ZNF644: variants seen among roughly 807,000 people sequenced by gnomAD.
ZNF644 encodes zinc finger motif enhancer binding protein 2.
A neutral mutation model predicts 108.0 loss-of-function variants in ZNF644; 20 were observed. The ratio of observed to expected loss-of-function variants is 0.19; its 90% CI spans 0.13 to 0.27. The LOEUF (loss-of-function observed/expected upper bound fraction) is 0.27. Among genes scored for constraint, ZNF644 ranks in the 10% least tolerant of loss-of-function variants. The pLI is 1.00. For missense variants in ZNF644, 1,338 were observed against 1,548.9 expected (o/e 0.86, Z 2.29); for synonymous variants, 542 against 539.1 (o/e 1.01, Z -0.08).
chr1:90,924,558 TTTAAA>T (rs1412310971), intron 4 of ZNF644, among the ~76,000 whole-genome samples: 17 of 152,164 alleles, frequency 1.1e-4, no homozygotes, highest in Non-Finnish European at 4.4e-5. Context: ...TAAAATTTCC[TTTAAA>T]TTATTTTCAA....
intron 1 of ZNF644, chr1:91,021,387 G>C (rs944310258): frequency 6.6e-6 from 1 of 152,292 alleles, no homozygotes; most frequent in Non-Finnish European, 1.5e-5. Context: ...GTTAATGCCA[G>C]AGCCAGCGTT....
intron 1 of ZNF644, among the ~76,000 whole-genome samples, chr1:91,001,146 A>G (rs1658738533): frequency 6.6e-6 from 1 of 152,204 alleles, no homozygotes; most frequent in African/African-American, 2.4e-5. Context: ...AACTATTCCA[A>G]TCAATAGGAA....
intron 2 of ZNF644, among the ~76,000 whole-genome samples, chr1:90,958,272 A>C (rs542950065): frequency 4.3e-4 from 65 of 150,998 alleles, no homozygotes; most frequent in African/African-American, 1.2e-3. Context: ...AAATGTAACC[A>C]AGAAAGTAAA....
intron 4 of ZNF644, among the ~76,000 whole-genome samples, chr1:90,934,476 G>T (rs925308026): frequency 1.9e-4 from 29 of 152,142 alleles, no homozygotes; most frequent in African/African-American, 6.7e-4. Flanking sequence ...CAAAAAGAGG[G>T]TATATTTTAA....
chr1:90,944,220 C>T (rs77807335), intron 2 of ZNF644, among the ~76,000 whole-genome samples: 1 of 152,032 alleles, frequency 6.6e-6, no homozygotes, highest in African/African-American at 2.4e-5. Flanking sequence ...TTCATTGGTA[C>T]CCCCTGAACA....
At chr1:90,920,596 C>CTTT (rs1441639882) in intron 4 of ZNF644, among the ~76,000 whole-genome samples, 1 of 151,838 alleles carries the variant, frequency 6.6e-6, no homozygotes, top group Non-Finnish European at 1.5e-5. Context: ...TGTGGAAACT[C>CTTT]TTAAGTTTAG....
chr1:91,015,736 A>AT (rs1660377649), intron 1 of ZNF644, among the ~76,000 whole-genome samples: 1 of 152,212 alleles, frequency 6.6e-6, no homozygotes, highest in East Asian at 1.9e-4. Context: ...CACTTCCTCT[A>AT]TAACAACCTT....
chr1:90,952,973 A>G (rs535415382), intron 2 of ZNF644, among the ~76,000 whole-genome samples: 10 of 151,762 alleles, frequency 6.6e-5, no homozygotes, highest in East Asian at 5.8e-4. Flanking sequence ...GCAGCCACAG[A>G]AAAAAAGAAT....
chr1:90,930,594 A>C (rs919825215), intron 4 of ZNF644, among the ~76,000 whole-genome samples: 2 of 152,204 alleles, frequency 1.3e-5, no homozygotes, highest in African/African-American at 4.8e-5. Context: ...GTGACTTCTT[A>C]AGTGGGTAGC....
At chr1:90,995,463 A>G (rs1369638316) in intron 1 of ZNF644, among the ~76,000 whole-genome samples, 2 of 152,182 alleles carry the variant, frequency 1.3e-5, no homozygotes, top group Non-Finnish European at 1.5e-5. Context: ...TGAGCATAAA[A>G]AATTTTTTGT....
In ZNF644 at chr1:90,939,321, T is replaced by C. The variant is rs1044064360; in HGVS notation, c.2033A>G (p.His678Arg). The C allele has an allele frequency of 1.9e-6, 3 of 1,614,016 alleles. No homozygotes were observed. Among genetic ancestry groups the C allele is most frequent in the Non-Finnish European group, 1.7e-6 (2 of 1,179,922 alleles). The change falls in exon 3 of 6, where the codon CAT (histidine) becomes CGT (arginine). Residue 678 changes from histidine to arginine, a missense_variant. This residue lies in a region of ZNF644 where 462 missense variants were observed against 472.6 expected (regional missense o/e 0.98). Coordinates refer to ENST00000337393, the MANE Select transcript of ZNF644 (RefSeq NM_201269.3). The stretch of plus-strand genomic sequence containing the variant: ...TTTCTGTATTCTGTGTGGCCGCTTA[T>C]GAATTTTTGAAAAACTACTTGATTG... ...TSQSSSFSKI[H>R]KRPHRIQKAR...
intron 1 of ZNF644, among the ~76,000 whole-genome samples, chr1:90,990,098 G>A (rs1570519642): frequency 6.6e-6 from 1 of 152,170 alleles, no homozygotes; most frequent in East Asian, 1.9e-4. Context: ...TTCCATCCAT[G>A]AGATACCTAA....
chr1:90,962,241 C>CATT (rs202091579), intron 2 of ZNF644, among the ~76,000 whole-genome samples: 1,925 of 147,518 alleles, frequency 0.013, 18 homozygotes, highest in Middle Eastern at 0.028. Flanking sequence ...GATATAAAGA[C>CATT]ATTATTATTA....
At chr1:90,935,065 T>C (rs1450294669) in intron 4 of ZNF644, among the ~76,000 whole-genome samples, 1 of 152,112 alleles carries the variant, frequency 6.6e-6, no homozygotes, top group Non-Finnish European at 1.5e-5. Flanking sequence ...TGAGCCCGAC[T>C]AGAACTATAA....
At chr1:91,021,802 C>G in intron 1 of ZNF644, 188 bp downstream of exon 1, 1 of 392,654 alleles carries the variant, frequency 2.5e-6, no homozygotes, top group Non-Finnish European at 4.5e-6. Context: ...CCATCTTAGC[C>G]TGTGCGGCAA....
chr1:91,002,370 T>C (rs1658936323), intron 1 of ZNF644, among the ~76,000 whole-genome samples: 1 of 151,902 alleles, frequency 6.6e-6, no homozygotes, highest in Non-Finnish European at 1.5e-5. Flanking sequence ...TCAGAAATAA[T>C]ACCACACAGC....
At chr1:90,998,650 C>G (rs1050404047) in intron 1 of ZNF644, among the ~76,000 whole-genome samples, 1 of 152,234 alleles carries the variant, frequency 6.6e-6, no homozygotes, top group African/African-American at 2.4e-5. Flanking sequence ...GCCTCTCCCC[C>G]TCCAAAGGAA....
At chr1:90,927,276 G>C (rs953392316) in intron 4 of ZNF644, among the ~76,000 whole-genome samples, 10 of 152,134 alleles carry the variant, frequency 6.6e-5, no homozygotes, top group African/African-American at 2.2e-4. Flanking sequence ...TGCTTCTACT[G>C]TATTGTAAGA....
intron 1 of ZNF644, among the ~76,000 whole-genome samples, chr1:90,984,742 G>A (rs972653328): frequency 1.1e-4 from 17 of 152,060 alleles, no homozygotes; most frequent in Non-Finnish European, 1.5e-5. Flanking sequence ...CAGAGGGCAG[G>A]CTCTCTGCAA....
Sources: allele counts gnomAD v4.1 joint callset (sites outside exome capture counted in the v4.1 genomes callset), GRCh38; gene constraint gnomAD v4.1.1; regional missense constraint gnomAD v4.1.1; transcripts MANE v1.5; gene names NCBI Gene and HGNC (gene_info 2026-07-23, HGNC 2026-07-21).